Variants in CA10 observed in about 807,000 individuals in gnomAD.
The protein encoded by CA10 is carbonic anhydrase-related protein 10.
CA10 carries 14 observed loss-of-function variants against 44.2 expected under a neutral mutation model. The observed-to-expected ratio is 0.32, with a 90% CI of 0.21 to 0.50. The LOEUF (loss-of-function observed/expected upper bound fraction) is 0.50. Ranked by LOEUF, CA10 falls within the 20% of genes least tolerant of loss-of-function variation. The pLI is 0.99. For synonymous variants in CA10, 159 were observed against 141.6 expected (o/e 1.12, Z -0.87); for missense variants, 350 against 409.7 (o/e 0.85, Z 1.26).
chr17:51,832,759 A>G (rs1288852486), intron 3 of CA10, among the ~76,000 whole-genome samples: 1 of 152,200 alleles, frequency 6.6e-6, no homozygotes, highest in Non-Finnish European at 1.5e-5. Context: ...TTTAGTCTCC[A>G]GAGATTGAAG....
intron 1 of CA10, among the ~76,000 whole-genome samples, chr17:52,154,929 AG>A (rs536835827): frequency 2.5e-3 from 374 of 152,318 alleles, no homozygotes; most frequent in African/African-American, 8.5e-3. Context: ...ATATCCAAAT[AG>A]GCCCAAGGAG....
intron 4 of CA10, among the ~76,000 whole-genome samples, chr17:51,690,057 C>T (rs528324879): frequency 7.2e-5 from 11 of 151,922 alleles, no homozygotes; most frequent in Non-Finnish European, 1.5e-4. Context: ...AAGTGATTCT[C>T]CTGCCTCAGT....
intron 4 of CA10, among the ~76,000 whole-genome samples, chr17:51,739,744 A>G (rs967525564): frequency 2.6e-5 from 4 of 152,160 alleles, no homozygotes; most frequent in Non-Finnish European, 4.4e-5. Context: ...GATCAGAGTC[A>G]TCATATGCTT....
intron 1 of CA10, among the ~76,000 whole-genome samples, chr17:52,119,229 G>T (rs1988960706): frequency 6.6e-6 from 1 of 150,850 alleles, no homozygotes; most frequent in South Asian, 2.1e-4. Context: ...GAGTATTCAT[G>T]ACTTATGGCA....
intron 3 of CA10, among the ~76,000 whole-genome samples, chr17:51,830,195 CAA>C (rs1220410518): frequency 1.0e-3 from 94 of 89,942 alleles, no homozygotes; most frequent in African/African-American, 3.6e-3. Flanking sequence ...GACTCCATCT[CAA>C]AAAAAAAAAA....
rs758910454 is a variant in CA10, at chr17:51,747,663, G to A, written c.435C>T (p.His145=). ...FGSEDSQGSE[H]LLNGQAFSGE... The stretch of plus-strand genomic sequence containing the variant: ...CAGAGAAGGCCTGTCCATTGAGGAG[G>A]TGCTCCGACCCTTGGCTGTCCTCAC... Residue 145 remains histidine (H), a synonymous_variant, in exon 4 of 9, where the codon CAC becomes CAT. Coordinates refer to ENST00000451037, the MANE Select transcript of CA10 (RefSeq NM_020178.5). 7 of 1,613,712 alleles carry A rather than the reference G, an allele frequency of 4.3e-6. No individual in the cohort carries two copies. In the African/African-American group the frequency reaches 8.0e-5, roughly 18 times the overall value.
intron 1 of CA10, among the ~76,000 whole-genome samples, chr17:52,136,354 C>T (rs1328945051): frequency 3.3e-5 from 5 of 152,192 alleles, no homozygotes; most frequent in Admixed American, 3.3e-4. Flanking sequence ...TGTCTCCTAA[C>T]ATGCCTGGGG....
At chr17:51,936,218 G>A (rs939782638) in intron 2 of CA10, among the ~76,000 whole-genome samples, 2 of 152,120 alleles carry the variant, frequency 1.3e-5, no homozygotes, top group East Asian at 1.9e-4. Flanking sequence ...TCAGTTCTGG[G>A]AAGTCAATTA....
At chr17:52,059,109 T>C (rs781379869) in intron 2 of CA10, among the ~76,000 whole-genome samples, 1 of 152,100 alleles carries the variant, frequency 6.6e-6, no homozygotes, top group African/African-American at 2.4e-5. Flanking sequence ...TGCTTCCTCT[T>C]AGAGATGAAA....
chr17:51,674,200 A>G (rs1440129122), intron 4 of CA10, among the ~76,000 whole-genome samples: 1 of 152,240 alleles, frequency 6.6e-6, no homozygotes, highest in East Asian at 1.9e-4. Flanking sequence ...TTATTTCCCC[A>G]GGACCTAGCA....
At chr17:51,760,184 G>A (rs1354231209) in intron 3 of CA10, among the ~76,000 whole-genome samples, 1 of 152,198 alleles carries the variant, frequency 6.6e-6, no homozygotes, top group African/African-American at 2.4e-5. Flanking sequence ...TTCCCCGTGT[G>A]GTCATCACTG....
intron 2 of CA10, among the ~76,000 whole-genome samples, chr17:51,999,526 T>A (rs1291829120): frequency 1.3e-5 from 2 of 152,010 alleles, no homozygotes; most frequent in African/African-American, 4.8e-5. Flanking sequence ...TGCACAAGCC[T>A]TGTCACTTTT....
chr17:51,667,464 G>T (rs1914250967), intron 4 of CA10, among the ~76,000 whole-genome samples: 2 of 152,002 alleles, frequency 1.3e-5, no homozygotes, highest in Non-Finnish European at 2.9e-5. Context: ...ATATGTGTGT[G>T]TACTGCCCAG....
At chr17:52,088,729 A>C (rs1988183805) in intron 1 of CA10, among the ~76,000 whole-genome samples, 1 of 152,218 alleles carries the variant, frequency 6.6e-6, no homozygotes, top group Admixed American at 6.5e-5. Flanking sequence ...ATTTCTGAGA[A>C]TGCCAAGAAC....
intron 4 of CA10, among the ~76,000 whole-genome samples, chr17:51,698,622 T>C (rs1915482008): frequency 6.6e-6 from 1 of 152,176 alleles, no homozygotes; most frequent in South Asian, 2.1e-4. Flanking sequence ...CACAATACGG[T>C]ATTGTTAACT....
intron 3 of CA10, among the ~76,000 whole-genome samples, chr17:51,901,195 T>C (rs1981298901): frequency 6.6e-6 from 1 of 152,138 alleles, no homozygotes; most frequent in Non-Finnish European, 1.5e-5. Flanking sequence ...TCATTGCTTT[T>C]TTTTCCCTTT....
Position 51,820,410 on chromosome 17 carries a change from CCCCCCCCCG to C in CA10, c.280-72601_280-72593del, listed in dbSNP as rs981247665. Among the ~76,000 whole-genome samples, 67 of 88,448 alleles carry C rather than the reference CCCCCCCCCG, an allele frequency of 7.6e-4. 6 individuals carry two copies. The highest frequency in any genetic ancestry group is 1.3e-3 in the Non-Finnish European group (60 of 44,602). The allele number at this position is 88,448 out of a possible 152,430, so 58.0% of individuals were successfully genotyped here. On this transcript the variant is annotated intron_variant, in intron 3 of 8. Transcript: ENST00000451037. ...ATAAACCTGGGGATTCCCCTACCCCCCCCCCCCCGCCCGCCGATTTTCCTGTACAAAGTT... is the reference window on the plus strand; with the variant it reads ...ATAAACCTGGGGATTCCCCTACCCCCCCCGCCGATTTTCCTGTACAAAGTT...
intron 1 of CA10, among the ~76,000 whole-genome samples, chr17:52,157,393 G>T (rs1989826375): frequency 6.6e-6 from 1 of 152,006 alleles, no homozygotes; most frequent in Non-Finnish European, 1.5e-5. Context: ...GGGGGTGGTT[G>T]TTGCCAAGGC....
At position 51,764,340 on chromosome 17, in the gene CA10, C is replaced by T. The variant is rs148358913; in HGVS notation, c.280-16522G>A. On this transcript the variant is annotated intron_variant, in intron 3 of 8. Transcript: ENST00000451037. ...CCACAGGCTTGGTGATGATGCTTCCCTGAGTTCCTATGACTTCCTTAACTT... is the reference window on the plus strand; with the variant it reads ...CCACAGGCTTGGTGATGATGCTTCCTTGAGTTCCTATGACTTCCTTAACTT... 9.8e-5 allele frequency among the ~76,000 whole-genome samples: 15 copies of T among 152,306 alleles called. No homozygotes were observed. The East Asian group carries it at 2.7e-3, about 27-fold the overall frequency.
Sources: gnomAD v4.1 joint callset for allele counts (sites outside exome capture counted in the v4.1 genomes callset) on GRCh38, gnomAD v4.1.1 for gene constraint, MANE v1.5 for transcripts, NCBI Gene and HGNC (gene_info 2026-07-23, HGNC 2026-07-21) for gene names.